Variants in SLC1A2 observed in about 807,000 individuals in gnomAD.
SLC1A2 encodes the protein solute carrier family 1 member 2.
In SLC1A2, 15 loss-of-function variants were observed where a neutral mutation model predicts 48.8. That is an observed-to-expected ratio of 0.31 (90% CI 0.21 to 0.47). SLC1A2 has a LOEUF of 0.47. Among genes scored for constraint, SLC1A2 ranks in the 20% least tolerant of loss-of-function variants. The probability of loss-of-function intolerance (pLI) is 0.99; values close to 1 mark genes in which losing one functional copy is unlikely to be tolerated. For synonymous variants in SLC1A2, 279 were observed against 272.6 expected, an observed-to-expected ratio of 1.02 and a Z score of -0.23; for missense variants, 502 against 730.5, an observed-to-expected ratio of 0.69 and a Z score of 3.61.
chr11:35,318,755 C>A (rs560086060), intron 1 of SLC1A2, among the ~76,000 whole-genome samples: 1 of 152,242 alleles, frequency 6.6e-6, no homozygotes, highest in African/African-American at 2.4e-5. Flanking sequence ...AGCATAGTAC[C>A]TTTCTCCAGT....
At chr11:35,344,549 T>C (rs369322503) in intron 1 of SLC1A2, among the ~76,000 whole-genome samples, 6 of 152,152 alleles carry the variant, frequency 3.9e-5, no homozygotes, top group African/African-American at 1.4e-4. Context: ...AAACTTTCCT[T>C]ACAATTTCAG....
intron 1 of SLC1A2, among the ~76,000 whole-genome samples, chr11:35,363,645 C>A (rs907537907): frequency 6.6e-6 from 1 of 152,102 alleles, no homozygotes; most frequent in Non-Finnish European, 1.5e-5. Context: ...GTTCTTCCAG[C>A]AACTCTCTGC....
intron 1 of SLC1A2, among the ~76,000 whole-genome samples, chr11:35,336,752 C>T (rs1488971623): frequency 3.3e-5 from 5 of 152,214 alleles, no homozygotes; most frequent in Non-Finnish European, 7.3e-5. Context: ...TCAAATACTC[C>T]ATCCTCCAAT....
At position 35,251,331 on chromosome 11, in the gene SLC1A2, T is replaced by C. The variant is rs1294210845; in HGVS notation, c.*9563A>G. ...TCCAGTTATTTTACACGTGAAATGT[T>C]ACAGTAATCAGTCCACATTGTAAGA... On this transcript the variant is annotated 3_prime_UTR_variant, in exon 11 of 11. Coordinates refer to ENST00000278379, the MANE Select transcript of SLC1A2 (RefSeq NM_004171.4). 11 of 152,654 alleles carry C rather than the reference T, an allele frequency of 7.2e-5. No homozygotes were observed. The highest frequency in any genetic ancestry group is 7.2e-4 in the Admixed American group (11 of 15,280). The allele number at this position is 152,654 out of a possible 1,614,324, so 9.5% of individuals were successfully genotyped here.
At chr11:35,414,155 T>C (rs147730227) in intron 1 of SLC1A2, among the ~76,000 whole-genome samples, 3 of 152,196 alleles carry the variant, frequency 2.0e-5, no homozygotes, top group Admixed American at 1.3e-4. Context: ...CAGCCAACAG[T>C]GGTCATATCT....
chr11:35,407,050 C>G (rs1227039613), intron 1 of SLC1A2, among the ~76,000 whole-genome samples: 34 of 151,094 alleles, frequency 2.3e-4, no homozygotes, highest in Non-Finnish European at 4.4e-5. Flanking sequence ...AGAATTCCAA[C>G]TAGGGAGACT....
intron 1 of SLC1A2, among the ~76,000 whole-genome samples, chr11:35,412,042 C>CAA (rs5791054): frequency 0.083 from 11,195 of 134,144 alleles, 579 homozygotes; most frequent in Non-Finnish European, 0.13. Flanking sequence ...CTTACTGGAG[C>CAA]AAAAAAAAAA....
At chr11:35,361,722 A>G (rs182879758) in intron 1 of SLC1A2, among the ~76,000 whole-genome samples, 2 of 152,266 alleles carry the variant, frequency 1.3e-5, no homozygotes, top group African/African-American at 4.8e-5. Context: ...CACACCTGTA[A>G]TCTCAGCACT....
chr11:35,348,368 T>C (rs1033010511), intron 1 of SLC1A2, among the ~76,000 whole-genome samples: 1 of 152,200 alleles, frequency 6.6e-6, no homozygotes, highest in Non-Finnish European at 1.5e-5. Context: ...CAATTATTTA[T>C]TGATGAGCAA....
At chr11:35,391,086 C>T (rs1048751135) in intron 1 of SLC1A2, 4 of 152,176 alleles carry the variant, frequency 2.6e-5, no homozygotes, top group African/African-American at 7.2e-5. Flanking sequence ...GGGATGATCA[C>T]GAGCAGGGTC....
chr11:35,274,934 A>T (rs940582416), intron 9 of SLC1A2, among the ~76,000 whole-genome samples: 2 of 152,188 alleles, frequency 1.3e-5, no homozygotes, highest in African/African-American at 2.4e-5. Context: ...CTCAAAAAAA[A>T]GTAGAGGTGC....
chr11:35,323,549 C>G (rs979550620), intron 1 of SLC1A2, among the ~76,000 whole-genome samples: 2 of 152,144 alleles, frequency 1.3e-5, no homozygotes, highest in African/African-American at 4.8e-5. Context: ...CTGTGATTCT[C>G]TAATTCTCCA....
intron 1 of SLC1A2, among the ~76,000 whole-genome samples, chr11:35,361,171 T>A (rs190921294): frequency 3.9e-5 from 6 of 152,194 alleles, no homozygotes; most frequent in Admixed American, 3.3e-4. Context: ...CCACCATGAC[T>A]GGCCTGCTCC....
chr11:35,326,517 T>C (rs1591477202), intron 1 of SLC1A2, among the ~76,000 whole-genome samples: 2 of 152,204 alleles, frequency 1.3e-5, no homozygotes, highest in African/African-American at 4.8e-5. Flanking sequence ...CTGGGTGAGG[T>C]GCTGTATACC....
rs1486168335 is a variant in SLC1A2, at chr11:35,265,510, A to G, written c.1653+17T>C. Reference sequence around the variant, plus strand: ...CTACTATATACAAGTCTCGATATCCATGAATGGGAAATGTACCTTGCATTC... The same window carrying G: ...CTACTATATACAAGTCTCGATATCCGTGAATGGGAAATGTACCTTGCATTC... On this transcript the variant is annotated intron_variant, in intron 10 of 10. Coordinates refer to ENST00000278379, the MANE Select transcript of SLC1A2 (RefSeq NM_004171.4). 1 of 1,345,390 alleles carries G rather than the reference A, an allele frequency of 7.4e-7. No individual in the cohort carries two copies. Among genetic ancestry groups the G allele is most frequent in the Non-Finnish European group, 1.1e-6 (1 of 935,422 alleles). The allele number at this position is 1,345,390 out of a possible 1,614,324, so 83.3% of individuals were successfully genotyped here. A position where few individuals can be genotyped will look rare whatever the true frequency, so the allele number is the denominator to read the frequency against.
chr11:35,404,404 G>C (rs1321507769), intron 1 of SLC1A2: 1 of 152,418 alleles, frequency 6.6e-6, no homozygotes, highest in East Asian at 1.9e-4. Context: ...GGATGAGGAC[G>C]AGGACCCAGG....
At chr11:35,347,015 T>G (rs970212052) in intron 1 of SLC1A2, among the ~76,000 whole-genome samples, 6 of 152,112 alleles carry the variant, frequency 3.9e-5, no homozygotes, top group African/African-American at 1.4e-4. Flanking sequence ...GTTTAGACTT[T>G]GGAAAAAGAC....
intron 1 of SLC1A2, among the ~76,000 whole-genome samples, chr11:35,337,015 A>G (rs1197067498): frequency 6.6e-6 from 1 of 152,166 alleles, no homozygotes; most frequent in Non-Finnish European, 1.5e-5. Flanking sequence ...ATTTATGTAA[A>G]TGACCCTGAG....
intron 1 of SLC1A2, among the ~76,000 whole-genome samples, chr11:35,372,684 T>C (rs1366016247): frequency 6.6e-6 from 1 of 152,206 alleles, no homozygotes; most frequent in Non-Finnish European, 1.5e-5. Context: ...AGGTTATAAT[T>C]ATAATCAATA....
Sources: gnomAD v4.1 joint callset for allele counts (sites outside exome capture counted in the v4.1 genomes callset) on GRCh38, gnomAD v4.1.1 for gene constraint, MANE v1.5 for transcripts, NCBI Gene and HGNC (gene_info 2026-07-23, HGNC 2026-07-21) for gene names.